TIAM2: variants seen among roughly 807,000 people sequenced by gnomAD.
TIAM2 encodes rho guanine nucleotide exchange factor TIAM2.
TIAM2 carries 80 observed loss-of-function variants against 152.9 expected under a neutral mutation model. The observed-to-expected ratio is 0.52, with a 90% CI of 0.44 to 0.63. TIAM2 has a LOEUF of 0.63. Among genes scored for constraint, TIAM2 ranks in the 30% least tolerant of loss-of-function variants. TIAM2 has a pLI of 0.00. For synonymous variants in TIAM2, 804 were observed against 838.0 expected, an observed-to-expected ratio of 0.96 and a Z score of 0.70; for missense variants, 1,965 against 2,120.1, an observed-to-expected ratio of 0.93 and a Z score of 1.44.
At chr6:155,252,340 G>C (rs147826593) in intron 23 of TIAM2, among the ~76,000 whole-genome samples, 6 of 152,098 alleles carry the variant, frequency 3.9e-5, no homozygotes, top group African/African-American at 1.2e-4. Context: ...GTGGTAGCAC[G>C]TGCCTGTAGT....
intron 7 of TIAM2, among the ~76,000 whole-genome samples, chr6:155,148,873 G>A (rs1054020671): frequency 1.3e-5 from 2 of 152,166 alleles, no homozygotes; most frequent in Non-Finnish European, 2.9e-5. Context: ...TATGGCATTT[G>A]CATTTTAGAG....
intron 22 of TIAM2, 116 bp downstream of exon 22, chr6:155,251,137 T>C: frequency 3.5e-6 from 3 of 867,830 alleles, no homozygotes; most frequent in Admixed American, 2.0e-5. Context: ...ATTGCTATAA[T>C]GGTTGGGGAC....
At chr6:155,031,475 C>T (rs539669193) in intron 1 of TIAM2, among the ~76,000 whole-genome samples, 3 of 152,238 alleles carry the variant, frequency 2.0e-5, no homozygotes, top group South Asian at 4.1e-4. Context: ...CTAATCCCAG[C>T]GCTGTGGGAG....
intron 16 of TIAM2, among the ~76,000 whole-genome samples, chr6:155,243,483 G>C (rs1237364202): frequency 6.6e-6 from 1 of 152,208 alleles, no homozygotes; most frequent in East Asian, 1.9e-4. Flanking sequence ...GTGGAATCCA[G>C]CTGTTGCCTG....
At chr6:155,208,742 G>A (rs558159585) in intron 14 of TIAM2, among the ~76,000 whole-genome samples, 1 of 152,166 alleles carries the variant, frequency 6.6e-6, no homozygotes, top group African/African-American at 2.4e-5. Flanking sequence ...CTCCTCAAAT[G>A]CTCAACCATC....
chr6:155,031,119 A>G (rs1338992096), intron 1 of TIAM2, among the ~76,000 whole-genome samples: 2 of 152,214 alleles, frequency 1.3e-5, no homozygotes, highest in Non-Finnish European at 2.9e-5. Context: ...ACCCTTTGAC[A>G]GTATTCTGAA....
At position 155,174,529 on chromosome 6, in the gene TIAM2, C is replaced by G. The variant is rs553480664; in HGVS notation, c.2362-2287C>G. On this transcript the variant is annotated intron_variant, in intron 9 of 26. Transcript: ENST00000682666. The surrounding 1 kb of genome is among the most constrained non-coding windows in gnomAD (Gnocchi z 4.2). ...GGGGCTACAGACGCGTGCCACCATG[C>G]CCGGATAATTTTTATTTTTAGTAGA... 1.2e-4 allele frequency among the ~76,000 whole-genome samples: 19 copies of G among 152,210 alleles called. No individual in the cohort carries two copies. The East Asian group carries it at 3.7e-3, about 29-fold the overall frequency.
chr6:155,073,319 C>A (rs540671321), intron 1 of TIAM2, among the ~76,000 whole-genome samples: 1 of 152,112 alleles, frequency 6.6e-6, no homozygotes, highest in Non-Finnish European at 1.5e-5. Flanking sequence ...TGTGCCACCA[C>A]ACCTGGCTAA....
chr6:155,251,096 T>A, intron 22 of TIAM2, 75 bp downstream of exon 22: 1 of 1,255,658 alleles, frequency 8.0e-7, no homozygotes, highest in Non-Finnish European at 1.2e-6. Context: ...GCCGCACCAG[T>A]CCAGCTCACT....
At chr6:155,084,426 T>A (rs1470048221) in intron 1 of TIAM2, among the ~76,000 whole-genome samples, 1 of 152,238 alleles carries the variant, frequency 6.6e-6, no homozygotes, top group African/African-American at 2.4e-5. Flanking sequence ...TAGTGCTAAC[T>A]TTTGTATCCT....
chr6:155,014,159 G>A (rs1778535177), intron 1 of TIAM2: 1 of 151,966 alleles, frequency 6.6e-6, no homozygotes, highest in Admixed American at 6.6e-5. Flanking sequence ...CTACTCATTT[G>A]TATTCCATTT....
chr6:155,045,795 T>TCTCCAA (rs1777160475), intron 1 of TIAM2, among the ~76,000 whole-genome samples: 1 of 149,498 alleles, frequency 6.7e-6, no homozygotes, highest in African/African-American at 2.5e-5. Context: ...CCTTAACTCT[T>TCTCCAA]CTCCAACTTT....
chr6:155,172,316 T>C lies in TIAM2; in HGVS notation c.2362-4500T>C, dbSNP rs1007809699. ...CCAGGGCTTTGGAACAAAGGATGAT[T>C]CTCAGGAAGTTCTTTATAGTGGCCA... On this transcript the variant is annotated intron_variant, in intron 9 of 26. Coordinates refer to ENST00000682666, the MANE Select transcript of TIAM2 (RefSeq NM_012454.4). Among the ~76,000 whole-genome samples, 37 of 151,998 alleles carry C rather than the reference T, an allele frequency of 2.4e-4. 1 individual carries two copies. Among genetic ancestry groups the C allele is most frequent in the African/African-American group, 8.9e-4 (37 of 41,388 alleles).
intron 2 of TIAM2, among the ~76,000 whole-genome samples, chr6:155,111,833 A>G (rs1470465102): frequency 6.6e-6 from 1 of 152,140 alleles, no homozygotes; most frequent in Non-Finnish European, 1.5e-5. Context: ...CCCGCTAGCA[A>G]CTGATTCCTC....
chr6:155,192,423 T>C lies in TIAM2; in HGVS notation c.3064+8923T>C, dbSNP rs184822841. 6.9e-3 allele frequency among the ~76,000 whole-genome samples: 1,058 copies of C among 152,352 alleles called. 10 individuals carry two copies. The highest frequency in any genetic ancestry group is 0.024 in the African/African-American group (1,008 of 41,572). Reference sequence around the variant, plus strand: ...GTCATTACTCTAGTTTTACAGTTCTTGGACTTGTCGGTCTCTTTCTGGACG... The same window carrying C: ...GTCATTACTCTAGTTTTACAGTTCTCGGACTTGTCGGTCTCTTTCTGGACG... On this transcript the variant is annotated intron_variant, in intron 14 of 26. Transcript: ENST00000682666.
chr6:155,248,169 C>A lies in TIAM2; in HGVS notation c.3822C>A (p.Tyr1274Ter). The change falls in exon 20 of 27, where the codon TAC (tyrosine) becomes TAA (stop). Residue 1274 changes from tyrosine (Y) to a stop codon, truncating the protein, a stop_gained. Coordinates refer to ENST00000682666, the MANE Select transcript of TIAM2 (RefSeq NM_012454.4). LOFTEE classifies it high-confidence loss of function. ...CGGACCAGGAGAGCGAGGAGCACTA[C>A]CACCTGACGGGTGAGGCGGCGGCGG... ...SLTDQESEEH[Y>*]HLTEALKAME... The A allele has an allele frequency of 6.2e-7, 1 of 1,613,614 alleles. No individual in the cohort carries two copies.
At chr6:155,076,182 C>T (rs1777955684) in intron 1 of TIAM2, among the ~76,000 whole-genome samples, 2 of 152,028 alleles carry the variant, frequency 1.3e-5, no homozygotes, top group South Asian at 4.1e-4. Context: ...GGGCGTGAGG[C>T]ATGGGGGATG....
At chr6:155,142,808 TC>T (rs1241281389) in intron 5 of TIAM2, among the ~76,000 whole-genome samples, 1 of 152,200 alleles carries the variant, frequency 6.6e-6, no homozygotes, top group African/African-American at 2.4e-5. Flanking sequence ...TTTCTTGAGA[TC>T]ATAAAGTACC....
chr6:155,158,038 G>A (rs1040497126), intron 7 of TIAM2, among the ~76,000 whole-genome samples: 4 of 152,160 alleles, frequency 2.6e-5, no homozygotes, highest in African/African-American at 9.7e-5. Context: ...TGGTTCTTCT[G>A]TGAAGATAGG....
Sources: gnomAD v4.1 joint callset for allele counts (sites outside exome capture counted in the v4.1 genomes callset) on GRCh38, gnomAD v4.1.1 for gene constraint, Gnocchi (gnomAD v3.1) non-coding constraint, MANE v1.5 for transcripts, NCBI Gene and HGNC (gene_info 2026-07-23, HGNC 2026-07-21) for gene names.